FAM118B: variants seen among roughly 807,000 people sequenced by gnomAD.
The protein encoded by FAM118B is SIR2 antiphage like 1, also known as protein FAM118B.
In FAM118B, 24 loss-of-function variants were observed where a neutral mutation model predicts 38.5. That is an observed-to-expected ratio of 0.62 (90% CI 0.45 to 0.88). The LOEUF is 0.88. FAM118B is among the 40% of genes least tolerant of loss of function. The probability of loss-of-function intolerance (pLI) is 0.00; values close to 1 mark genes in which losing one functional copy is unlikely to be tolerated. For missense variants in FAM118B, 334 were observed against 420.0 expected (o/e 0.80, Z 1.79); for synonymous variants, 138 against 156.3 (o/e 0.88, Z 0.87).
chr11:126,262,005 A>T (rs765446122), intron 8 of FAM118B, 115 bp from the exon 9 acceptor site: 5 of 937,150 alleles, frequency 5.3e-6, no homozygotes, highest in Admixed American at 2.6e-5. Flanking sequence ...CAAGATTCCT[A>T]GAATCTCCTG....
chr11:126,258,746 A>G (rs1950621863), intron 7 of FAM118B, among the ~76,000 whole-genome samples: 1 of 152,218 alleles, frequency 6.6e-6, no homozygotes, highest in African/African-American at 2.4e-5. Context: ...AGTTCTACAT[A>G]TTTCTTTTGA....
intron 2 of FAM118B, chr11:126,233,784 A>T (rs1238469786): frequency 4.4e-6 from 2 of 453,496 alleles, no homozygotes; most frequent in Non-Finnish European, 8.8e-6. Context: ...GTTTTAATAA[A>T]GAAAAAGGCT....
At position 126,250,523 on chromosome 11, in the gene FAM118B, A is replaced by G. The variant is rs1436253059; in HGVS notation, c.357A>G (p.Arg119=). The change falls in exon 5 of 9, where the codon CGA becomes CGG. Residue 119 remains arginine (R), a synonymous_variant. Coordinates refer to ENST00000533050, the MANE Select transcript of FAM118B (RefSeq NM_024556.4). This position sits in a 1 kb window ranked among gnomAD's most constrained non-coding sequence, Gnocchi z 5.1. The stretch of plus-strand genomic sequence containing the variant: ...CTCCTCAGCGTACCAGTAATGTTCG[A>G]TCCACATTTTTCAAGGACTGTTTAT... ...QKLSPRTSNV[R]STFFKDCLYE... 1 of 1,613,526 alleles carries G rather than the reference A, an allele frequency of 6.2e-7. No individual in the cohort carries two copies. The highest frequency in any genetic ancestry group is 1.1e-5 in the South Asian group (1 of 91,060).
At chr11:126,249,985 G>C (rs566240881) in intron 4 of FAM118B, among the ~76,000 whole-genome samples, 81 of 151,936 alleles carry the variant, frequency 5.3e-4, no homozygotes, top group Non-Finnish European at 9.6e-4. Flanking sequence ...GGAAGCTTAC[G>C]TATAGTAGCA....
chr11:126,245,653 C>A (rs1950409533), intron 4 of FAM118B, among the ~76,000 whole-genome samples: 2 of 151,890 alleles, frequency 1.3e-5, no homozygotes, highest in African/African-American at 4.8e-5. Context: ...ATGATCATGT[C>A]ATTGTACCTC....
chr11:126,221,322 G>T (rs1398708109), intron 1 of FAM118B, among the ~76,000 whole-genome samples: 1 of 152,126 alleles, frequency 6.6e-6, no homozygotes, highest in African/African-American at 2.4e-5. Flanking sequence ...CTCTTGTTTA[G>T]AAATGATCCA....
intron 1 of FAM118B, among the ~76,000 whole-genome samples, chr11:126,219,559 C>T (rs568445115): frequency 1.3e-5 from 2 of 151,610 alleles, no homozygotes; most frequent in Admixed American, 1.3e-4. Flanking sequence ...GACAGGGTCT[C>T]CCTATTGTTT....
chr11:126,214,866 C>T (rs980166749), intron 1 of FAM118B, among the ~76,000 whole-genome samples: 2 of 152,102 alleles, frequency 1.3e-5, no homozygotes, highest in Non-Finnish European at 2.9e-5. Context: ...TATAAACAAA[C>T]AAGGACTAAC....
At chr11:126,241,247 A>G (rs572859412) in intron 4 of FAM118B, 3 of 491,282 alleles carry the variant, frequency 6.1e-6, no homozygotes, top group Non-Finnish European at 1.1e-5. Context: ...ACCCCATTTC[A>G]CTGTGTGTCT....
rs946961952 is a variant in FAM118B, at chr11:126,247,921, G to A, written c.340-2585G>A. On this transcript the variant is annotated intron_variant, in intron 4 of 8. Coordinates refer to ENST00000533050, the MANE Select transcript of FAM118B (RefSeq NM_024556.4). The stretch of plus-strand genomic sequence containing the variant: ...GATATACGTATATCTATATAGATAC[G>A]TATATCTATATATATATTTTTGTAC... 9.8e-5 allele frequency among the ~76,000 whole-genome samples: 14 copies of A among 142,666 alleles called. No homozygotes were observed. The South Asian group carries it at 1.8e-3, about 18-fold the overall frequency. 93.6% of individuals were successfully genotyped at this position (142,666 alleles called of 152,430 possible). A position where few individuals can be genotyped will look rare whatever the true frequency, so the allele number is the denominator to read the frequency against.
chr11:126,240,465 G>A (rs1362417590), intron 3 of FAM118B, among the ~76,000 whole-genome samples: 2 of 151,978 alleles, frequency 1.3e-5, no homozygotes, highest in East Asian at 1.9e-4. Flanking sequence ...TAATTTAGTT[G>A]GCAGAAGTCA....
chr11:126,226,610 C>T (rs912622607), intron 1 of FAM118B, among the ~76,000 whole-genome samples: 1 of 152,248 alleles, frequency 6.6e-6, no homozygotes, highest in Non-Finnish European at 1.5e-5. Context: ...CTAGTCTACT[C>T]TCTTTCTCTT....
rs555192168 is a variant in FAM118B at position 126,256,499 on chromosome 11, CCTT to C, written c.697-64_697-62del. On this transcript the variant is annotated intron_variant, in intron 6 of 8. Transcript: ENST00000533050. This position sits in a 1 kb window ranked among gnomAD's most constrained non-coding sequence, Gnocchi z 6.6. ...TCACAGTCTGCTCAACGTAGCATGA[CCTT>C]CTTGTTTCAGACTTGCCTTGAGTGT... is the stretch of plus-strand genomic sequence containing the variant. 1.1e-4 allele frequency: 161 copies of C among 1,480,912 alleles called. No individual in the cohort carries two copies. The African/African-American group carries it at 2.0e-3, about 19-fold the overall frequency. The allele number at this position is 1,480,912 out of a possible 1,614,324, so 91.7% of individuals were successfully genotyped here. A position where few individuals can be genotyped will look rare whatever the true frequency, so the allele number is the denominator to read the frequency against.
chr11:126,238,787 G>A (rs990506330), intron 3 of FAM118B, among the ~76,000 whole-genome samples: 3 of 152,064 alleles, frequency 2.0e-5, no homozygotes, highest in Middle Eastern at 3.4e-3. Context: ...CAAGGGAATC[G>A]GCCTTTGCAT....
At chr11:126,219,047 G>A (rs576003133) in intron 1 of FAM118B, among the ~76,000 whole-genome samples, 27 of 152,036 alleles carry the variant, frequency 1.8e-4, no homozygotes, top group Non-Finnish European at 3.1e-4. Flanking sequence ...ATGCCAATCC[G>A]TATTTTCAGA....
intron 4 of FAM118B, chr11:126,245,201 ACT>A (rs947660323): frequency 6.6e-6 from 1 of 151,422 alleles, no homozygotes; most frequent in Non-Finnish European, 1.5e-5. Context: ...GCAGGTCAAA[ACT>A]CTCATGCTGA....
intron 3 of FAM118B, among the ~76,000 whole-genome samples, chr11:126,235,771 G>A (rs191246681): frequency 3.9e-5 from 6 of 152,238 alleles, no homozygotes; most frequent in East Asian, 1.9e-4. Flanking sequence ...CACCCGCCTC[G>A]GCCTCCCAAA....
intron 1 of FAM118B, among the ~76,000 whole-genome samples, chr11:126,219,287 A>G (rs1052565399): frequency 2.6e-5 from 4 of 151,454 alleles, no homozygotes; most frequent in Non-Finnish European, 4.4e-5. Flanking sequence ...CACATAAGGA[A>G]AAGCACAGAT....
chr11:126,237,864 A>G (rs1287473600), intron 3 of FAM118B, among the ~76,000 whole-genome samples: 1 of 150,556 alleles, frequency 6.6e-6, no homozygotes, highest in African/African-American at 2.4e-5. Context: ...TCCAAAAAAA[A>G]AAAAAAAAAG....
Sources: allele counts gnomAD v4.1 joint callset (sites outside exome capture counted in the v4.1 genomes callset), GRCh38; gene constraint gnomAD v4.1.1; non-coding constraint Gnocchi (gnomAD v3.1); transcripts MANE v1.5; gene names NCBI Gene and HGNC (gene_info 2026-07-23, HGNC 2026-07-21).